ZBTB8B: variants seen among roughly 807,000 people sequenced by gnomAD.
The protein encoded by ZBTB8B is zinc finger and BTB domain-containing protein 8B.
ZBTB8B carries 17 observed loss-of-function variants against 30.3 expected under a neutral mutation model. That is an observed-to-expected ratio of 0.56 (90% confidence interval 0.38 to 0.84). ZBTB8B has a LOEUF of 0.84. ZBTB8B is among the 40% of genes least tolerant of loss of function. ZBTB8B has a pLI of 0.00. For synonymous variants in ZBTB8B, 248 were observed against 255.6 expected (o/e 0.97, Z 0.28); for missense variants, 515 against 644.9 (o/e 0.80, Z 2.18).
At position 32,482,180 on chromosome 1, in the gene ZBTB8B, G is replaced by A. The variant is rs556462103; in HGVS notation, c.1170+1111G>A. Among the ~76,000 whole-genome samples, 3 of 151,770 alleles carry A rather than the reference G, an allele frequency of 2.0e-5. No individual in the cohort carries two copies. In the South Asian group the frequency reaches 6.3e-4, roughly 32 times the overall value. On this transcript the variant is annotated intron_variant, in intron 3 of 3. Transcript: ENST00000609129. ...TGTTGTTGTTGTTTTTTGTTTTTTT[G>A]TAGAGACAGGGTTTTTCCAGGTTGC...
chr1:32,487,621 C>G lies in ZBTB8B; in HGVS notation c.*2203C>G, dbSNP rs1205281362. The G allele has an allele frequency of 6.6e-6, 1 of 152,174 alleles. No individual in the cohort carries two copies. Among genetic ancestry groups the G allele is most frequent in the Non-Finnish European group, 1.5e-5 (1 of 68,062 alleles). The allele number at this position is 152,174 out of a possible 1,614,324, so 9.4% of individuals were successfully genotyped here. A position where few individuals can be genotyped will look rare whatever the true frequency, so the allele number is the denominator to read the frequency against. On this transcript the variant is annotated 3_prime_UTR_variant, in exon 4 of 4. Coordinates refer to ENST00000609129, the MANE Select transcript of ZBTB8B (RefSeq NM_001145720.2). ...CTTTGGGAGGCCAAGGCAGATGGAA[C>G]ACTTGAGGTCAGGAGTTCGATACCA...
In ZBTB8B at chr1:32,485,036, G is replaced by A. The variant is rs114159158; in HGVS notation, c.1171-65G>A. The A allele has an allele frequency of 1.2e-3, 1,784 of 1,486,474 alleles. 10 individuals are homozygous for A. In the African/African-American group the frequency reaches 0.014, roughly 12 times the overall value. The allele number at this position is 1,486,474 out of a possible 1,614,324, so 92.1% of individuals were successfully genotyped here. On this transcript the variant is annotated intron_variant, in intron 3 of 3. Transcript: ENST00000609129. ...GGATCAGGCAGGGGCCAGATCACAC[G>A]GGGCCTTGTGGAAAACACTCATCTC...
rs1011091167 is a variant in ZBTB8B, at chr1:32,485,881, T to G, written c.*463T>G. On this transcript the variant is annotated 3_prime_UTR_variant, in exon 4 of 4. Coordinates refer to ENST00000609129, the MANE Select transcript of ZBTB8B (RefSeq NM_001145720.2). Reference sequence around the variant, plus strand: ...CCACATTAAATTTTCTGGCAAAGTATTAAAGAGAAACCTTCATTGATATAA... The same window carrying G: ...CCACATTAAATTTTCTGGCAAAGTAGTAAAGAGAAACCTTCATTGATATAA... The G allele has an allele frequency of 6.0e-6, 1 of 166,816 alleles. No homozygotes were observed. The highest frequency in any genetic ancestry group is 1.3e-5 in the Non-Finnish European group (1 of 76,238). The allele number at this position is 166,816 out of a possible 1,614,324, so 10.3% of individuals were successfully genotyped here. A position where few individuals can be genotyped will look rare whatever the true frequency, so the allele number is the denominator to read the frequency against.
At position 32,491,435 on chromosome 1, in the gene ZBTB8B, T is replaced by C. The variant is rs576595829; in HGVS notation, c.*6017T>C. On this transcript the variant is annotated 3_prime_UTR_variant, in exon 4 of 4. Transcript: ENST00000609129. Reference sequence around the variant, plus strand: ...CATTCAAATTTATAAACTGCCACACTTGGCATCAGATTCACTTAAAAGGAT... The same window carrying C: ...CATTCAAATTTATAAACTGCCACACCTGGCATCAGATTCACTTAAAAGGAT... 6.6e-6 allele frequency: 1 copy of C among 152,302 alleles called. No individual in the cohort carries two copies. Among genetic ancestry groups the C allele is most frequent in the South Asian group, 2.1e-4 (1 of 4,828 alleles). The allele number at this position is 152,302 out of a possible 1,614,324, so 9.4% of individuals were successfully genotyped here.
At chr1:32,466,989 C>CA (rs573726484) in intron 1 of ZBTB8B, among the ~76,000 whole-genome samples, 164 of 152,070 alleles carry the variant, frequency 1.1e-3, no homozygotes, top group African/African-American at 3.8e-3. Context: ...CCCATCTCTA[C>CA]AAAAAAATGT....
chr1:32,473,262 T>C (rs781747140), intron 2 of ZBTB8B, among the ~76,000 whole-genome samples: 3 of 150,778 alleles, frequency 2.0e-5, no homozygotes, highest in Non-Finnish European at 4.4e-5. Flanking sequence ...GCCGAGATCG[T>C]GCCACCACAC....
rs1050941921 is a variant in ZBTB8B, at chr1:32,465,320, C to A, written c.-42+215C>A. ...GGCAGGCGCGGCCGTGGGGCCCCAG[C>A]TTCCCTGTCATTGGGTGTCCTCCGC... On this transcript the variant is annotated intron_variant, in intron 1 of 3. Transcript: ENST00000609129. This position sits in a 1 kb window ranked among gnomAD's most constrained non-coding sequence, Gnocchi z 4.1. 6.6e-6 allele frequency among the ~76,000 whole-genome samples: 1 copy of A among 152,272 alleles called. No individual in the cohort carries two copies.
intron 1 of ZBTB8B, among the ~76,000 whole-genome samples, chr1:32,467,851 A>T (rs1270701097): frequency 6.6e-6 from 1 of 151,534 alleles, no homozygotes; most frequent in Non-Finnish European, 1.5e-5. Context: ...GGTGTCTCAC[A>T]CCTGTAACCC....
At chr1:32,469,676 T>G (rs752802107) in intron 1 of ZBTB8B, among the ~76,000 whole-genome samples, 1 of 152,204 alleles carries the variant, frequency 6.6e-6, no homozygotes, top group Non-Finnish European at 1.5e-5. Context: ...CCAGATCTGT[T>G]ACAACTGGGT....
rs368144286 is a variant in ZBTB8B, at chr1:32,465,398, A to G, written c.-42+293A>G. On this transcript the variant is annotated intron_variant, in intron 1 of 3. Coordinates refer to ENST00000609129, the MANE Select transcript of ZBTB8B (RefSeq NM_001145720.2). The surrounding 1 kb of genome is among the most constrained non-coding windows in gnomAD (Gnocchi z 4.1). Reference sequence around the variant, plus strand: ...ACTACTTCCACGGTGAATGGTGCCCAGGCGTGGGGGGCTCGGCCACACTGG... The same window carrying G: ...ACTACTTCCACGGTGAATGGTGCCCGGGCGTGGGGGGCTCGGCCACACTGG... Among the ~76,000 whole-genome samples the G allele has an allele frequency of 1.4e-4, 21 of 152,332 alleles. No individual in the cohort carries two copies. Among genetic ancestry groups the G allele is most frequent in the African/African-American group, 3.8e-4 (16 of 41,590 alleles).
At chr1:32,470,153 C>T (rs898963515) in intron 1 of ZBTB8B, among the ~76,000 whole-genome samples, 1 of 152,100 alleles carries the variant, frequency 6.6e-6, no homozygotes, top group Non-Finnish European at 1.5e-5. Flanking sequence ...AAGCCCATAT[C>T]CTAAAGACAC....
intron 2 of ZBTB8B, among the ~76,000 whole-genome samples, chr1:32,474,891 G>A (rs886380484): frequency 6.6e-6 from 1 of 152,226 alleles, no homozygotes; most frequent in Non-Finnish European, 1.5e-5. Context: ...ACACAAGTAG[G>A]TAGCGGATTT....
At chr1:32,476,029 G>A (rs1303418690) in intron 2 of ZBTB8B, among the ~76,000 whole-genome samples, 1 of 152,036 alleles carries the variant, frequency 6.6e-6, no homozygotes, top group Non-Finnish European at 1.5e-5. Context: ...TGTTGATCAG[G>A]CTGGTCTCAA....
chr1:32,468,692 C>T (rs1439519532), intron 1 of ZBTB8B, among the ~76,000 whole-genome samples: 1 of 152,114 alleles, frequency 6.6e-6, no homozygotes, highest in Non-Finnish European at 1.5e-5. Flanking sequence ...GAAACCCCAT[C>T]TCTACTAAAA....
chr1:32,487,845 T>A lies in ZBTB8B; in HGVS notation c.*2427T>A, dbSNP rs925110650. 5 of 151,252 alleles carry A rather than the reference T, an allele frequency of 3.3e-5. No homozygotes were observed. Among genetic ancestry groups the A allele is most frequent in the African/African-American group, 7.3e-5 (3 of 41,000 alleles). 9.4% of individuals were successfully genotyped at this position (151,252 alleles called of 1,614,324 possible). A position where few individuals can be genotyped will look rare whatever the true frequency, so the allele number is the denominator to read the frequency against. On this transcript the variant is annotated 3_prime_UTR_variant, in exon 4 of 4. Coordinates refer to ENST00000609129, the MANE Select transcript of ZBTB8B (RefSeq NM_001145720.2). ...AGTGTGAGACCTTGTCTCAAAAAAA[T>A]AATAATAAAATAAATAAATAAAAGA...
chr1:32,495,006 G>A lies in ZBTB8B; in HGVS notation c.*9588G>A, dbSNP rs946153830. On this transcript the variant is annotated 3_prime_UTR_variant, in exon 4 of 4. Transcript: ENST00000609129. ...AAGAGATGGGGTTTCATTTTGGTCA[G>A]GCTGGTCTCGAACTCCTAACCTCAG... 1.3e-5 allele frequency: 2 copies of A among 152,050 alleles called. No individual in the cohort carries two copies. The highest frequency in any genetic ancestry group is 2.9e-5 in the Non-Finnish European group (2 of 68,024). 9.4% of individuals were successfully genotyped at this position (152,050 alleles called of 1,614,324 possible).
At position 32,483,055 on chromosome 1, in the gene ZBTB8B, GC is replaced by G. The variant is rs1201841767; in HGVS notation, c.1170+1990del. On this transcript the variant is annotated intron_variant, in intron 3 of 3. Coordinates refer to ENST00000609129, the MANE Select transcript of ZBTB8B (RefSeq NM_001145720.2). ...AGAGAGGCTGTGATTGGTTCACAGA[GC>G]CCCTATCGGCTGGAGTTCCTGAAAA... Among the ~76,000 whole-genome samples, 5 of 151,628 alleles carry G rather than the reference GC, an allele frequency of 3.3e-5. No homozygotes were observed. The East Asian group carries it at 9.7e-4, about 30-fold the overall frequency.
rs1217842343 is a variant in ZBTB8B, at chr1:32,494,304, T to G, written c.*8886T>G. 1 of 151,576 alleles carries G rather than the reference T, an allele frequency of 6.6e-6. No individual in the cohort carries two copies. The highest frequency in any genetic ancestry group is 1.5e-5 in the Non-Finnish European group (1 of 68,008). The allele number at this position is 151,576 out of a possible 1,614,324, so 9.4% of individuals were successfully genotyped here. A position where few individuals can be genotyped will look rare whatever the true frequency, so the allele number is the denominator to read the frequency against. ...GTCTAGTCCAACTCCATGTGACAGA[T>G]GAAATGACGTTTCTAGTTCTCACAC... On this transcript the variant is annotated 3_prime_UTR_variant, in exon 4 of 4. Transcript: ENST00000609129.
chr1:32,482,148 G>GT (rs1257096023), intron 3 of ZBTB8B, among the ~76,000 whole-genome samples: 1 of 151,902 alleles, frequency 6.6e-6, no homozygotes, highest in Non-Finnish European at 1.5e-5. Flanking sequence ...CAGCTAACGT[G>GT]TTTTTTTGTT....
Sources: gnomAD v4.1 joint callset for allele counts (sites outside exome capture counted in the v4.1 genomes callset) on GRCh38, gnomAD v4.1.1 for gene constraint, Gnocchi (gnomAD v3.1) non-coding constraint, MANE v1.5 for transcripts, NCBI Gene and HGNC (gene_info 2026-07-23, HGNC 2026-07-21) for gene names.